Variants in PHOSPHO2 observed in about 807,000 individuals in gnomAD.
PHOSPHO2 encodes the protein phosphatase, orphan 2, also known as pyridoxal phosphate phosphatase PHOSPHO2.
In PHOSPHO2, 14 loss-of-function variants were observed where a neutral mutation model predicts 16.4. The observed-to-expected ratio is 0.85, with a 90% CI of 0.56 to 1.33. PHOSPHO2 has a LOEUF of 1.33. Among genes scored for constraint, PHOSPHO2 ranks in the 40% most tolerant of loss-of-function variants. The pLI is 0.00. For missense variants in PHOSPHO2, 246 were observed against 282.5 expected (o/e 0.87, Z 0.93); for synonymous variants, 85 against 90.5 (o/e 0.94, Z 0.34).
chr2:169,696,893 A>G (rs1411385855), intron 2 of PHOSPHO2, among the ~76,000 whole-genome samples: 15 of 152,226 alleles, frequency 9.9e-5, no homozygotes, highest in Non-Finnish European at 2.9e-5. Flanking sequence ...ACTTATTTTC[A>G]CATAACATTT....
intron 2 of PHOSPHO2, among the ~76,000 whole-genome samples, chr2:169,695,787 C>T (rs888592370): frequency 2.0e-5 from 3 of 152,114 alleles, no homozygotes; most frequent in Non-Finnish European, 2.9e-5. Flanking sequence ...TCAGCAATTT[C>T]GCCTGAGTTC....
intron 3 of PHOSPHO2, among the ~76,000 whole-genome samples, chr2:169,698,715 T>C (rs1687637041): frequency 6.6e-6 from 1 of 152,214 alleles, no homozygotes. Context: ...TTGAGATTTA[T>C]AATTAATCAC....
At chr2:169,696,302 A>G (rs1045502802) in intron 2 of PHOSPHO2, among the ~76,000 whole-genome samples, 1 of 152,246 alleles carries the variant, frequency 6.6e-6, no homozygotes, top group Non-Finnish European at 1.5e-5. Flanking sequence ...AATTATTCTG[A>G]GAAGAAAAAA....
At chr2:169,695,151 T>C in intron 1 of PHOSPHO2, 64 bp from the exon 2 acceptor site, 1 of 152,208 alleles carries the variant, frequency 6.6e-6, no homozygotes, top group African/African-American at 2.4e-5. Flanking sequence ...TCTCTCAAAA[T>C]GAAAGAACAA....
chr2:169,695,572 GCTT>G (rs1687492356), intron 2 of PHOSPHO2, among the ~76,000 whole-genome samples: 2 of 151,984 alleles, frequency 1.3e-5, no homozygotes, highest in African/African-American at 4.8e-5. Context: ...GGGAGGCGGA[GCTT>G]GCAGTGAGCC....
At position 169,701,698 on chromosome 2, in the gene PHOSPHO2, T is replaced by C. The variant is rs141347023; in HGVS notation, c.*1T>C. ...TTTACAATTTCTAATAAAGGATTAA[T>C]ATGTCAGCAATTGAAAAGTGTATCA... is the stretch of plus-strand genomic sequence containing the variant. On this transcript the variant is annotated 3_prime_UTR_variant, in exon 4 of 4. Coordinates refer to ENST00000359744, the MANE Select transcript of PHOSPHO2 (RefSeq NM_001008489.4). The C allele has an allele frequency of 2.7e-4, 412 of 1,514,914 alleles. 1 individual carries two copies. The highest frequency in any genetic ancestry group is 4.9e-5 in the Non-Finnish European group (55 of 1,128,948). The allele number at this position is 1,514,914 out of a possible 1,614,324, so 93.8% of individuals were successfully genotyped here.
At position 169,700,995 on chromosome 2, in the gene PHOSPHO2, CTT is replaced by C. The variant is rs761246013; in HGVS notation, c.26_27del (p.Phe9Ter). The C allele has an allele frequency of 1.3e-6, 2 of 1,595,430 alleles. No homozygotes were observed. The highest frequency in any genetic ancestry group is 2.7e-5 in the African/African-American group (2 of 74,188). ...CCATGAAAATTTTGCTAGTTTTTGACTTTGACAATACAATCATAGATGACAAT... is the reference window on the plus strand; with the variant it reads ...CCATGAAAATTTTGCTAGTTTTTGACTGACAATACAATCATAGATGACAAT... The part of the protein sequence containing the change: MKILLVFD[F>X]DNTIIDDNSD... On this transcript the variant is annotated frameshift_variant, in exon 4 of 4. Coordinates refer to ENST00000359744, the MANE Select transcript of PHOSPHO2 (RefSeq NM_001008489.4). LOFTEE classifies it high-confidence loss of function.
intron 3 of PHOSPHO2, among the ~76,000 whole-genome samples, chr2:169,700,298 T>A (rs1280785832): frequency 6.6e-6 from 1 of 152,196 alleles, no homozygotes; most frequent in African/African-American, 2.4e-5. Flanking sequence ...TGCCTAGATT[T>A]TCTTCTAGGT....
At position 169,701,363 on chromosome 2, in the gene PHOSPHO2, A is replaced by G. The variant is rs536107361; in HGVS notation, c.392A>G (p.Asn131Ser). ...VFTNPAAFNS[N>S]GHLTVENYHT... ...ACAAATCCAGCAGCTTTTAATAGCA[A>G]TGGTCATCTCACTGTTGAAAATTAT... Residue 131 changes from asparagine (N) to serine (S), a missense_variant, in exon 4 of 4, where the codon AAT becomes AGT. Asn to Ser is a conservative substitution (Grantham distance 46). Transcript: ENST00000359744. The G allele has an allele frequency of 3.8e-5, 61 of 1,613,662 alleles. No homozygotes were observed. In the South Asian group the frequency reaches 5.6e-4, roughly 15 times the overall value.
At chr2:169,697,850 A>C (rs1687603705) in intron 3 of PHOSPHO2, 1 of 152,220 alleles carries the variant, frequency 6.6e-6, no homozygotes, top group African/African-American at 2.4e-5. Context: ...ATTATTTATT[A>C]CATTGTTTCT....
chr2:169,701,476 G>T lies in PHOSPHO2; in HGVS notation c.505G>T (p.Val169Leu). Reference sequence around the variant, plus strand: ...TGTAGATAAACAGTTACAACAGGGAGTGAATTATACACAAATTGTTTATAT... The same window carrying T: ...TGTAGATAAACAGTTACAACAGGGATTGAATTATACACAAATTGTTTATAT... The part of the protein sequence containing the change: ...EFVDKQLQQG[V>L]NYTQIVYIGD... The change falls in exon 4 of 4, where the codon GTG (valine) becomes TTG (leucine). Residue 169 changes from valine to leucine, a missense_variant. Coordinates refer to ENST00000359744, the MANE Select transcript of PHOSPHO2 (RefSeq NM_001008489.4). 6.2e-7 allele frequency: 1 copy of T among 1,612,736 alleles called. No individual in the cohort carries two copies. Among genetic ancestry groups the T allele is most frequent in the Admixed American group, 1.7e-5 (1 of 59,872 alleles).
At chr2:169,700,715 CAAT>C (rs2105600959) in intron 3 of PHOSPHO2, among the ~76,000 whole-genome samples, 1 of 152,062 alleles carries the variant, frequency 6.6e-6, no homozygotes, top group East Asian at 1.9e-4. Flanking sequence ...TCCAGGAACA[CAAT>C]AATACTATGA....
rs1387974337 is a variant in PHOSPHO2 at position 169,701,187 on chromosome 2, G to A, written c.216G>A (p.Leu72=). 1.9e-6 allele frequency: 3 copies of A among 1,613,924 alleles called. No homozygotes were observed. The highest frequency in any genetic ancestry group is 1.3e-5 in the African/African-American group (1 of 74,922). ...EHEMKRAVTS[L]PFTPGMVELF... is the part of the protein sequence containing the mutation. ...AAATGAAAAGAGCAGTGACATCATT[G>A]CCTTTCACTCCAGGGATGGTGGAAC... The change falls in exon 4 of 4, where the codon TTG becomes TTA. Residue 72 remains leucine (L), a synonymous_variant. Transcript: ENST00000359744.
chr2:169,697,525 A>G lies in PHOSPHO2; in HGVS notation c.-33A>G, dbSNP rs1424076186. 1.3e-5 allele frequency: 2 copies of G among 152,162 alleles called. No homozygotes were observed. Among genetic ancestry groups the G allele is most frequent in the East Asian group, 1.9e-4 (1 of 5,196 alleles). The allele number at this position is 152,162 out of a possible 1,614,324, so 9.4% of individuals were successfully genotyped here. A position where few individuals can be genotyped will look rare whatever the true frequency, so the allele number is the denominator to read the frequency against. On this transcript the variant is annotated 5_prime_UTR_variant, in exon 3 of 4. The change abolishes the stop of an existing upstream ORF in the 5' untranslated region. Coordinates refer to ENST00000359744, the MANE Select transcript of PHOSPHO2 (RefSeq NM_001008489.4). Reference sequence around the variant, plus strand: ...GAAGTAAGATTGTCTTGGAAATACTAAGTTGGGTAAGTATTTTTTAAAGGT... The same window carrying G: ...GAAGTAAGATTGTCTTGGAAATACTGAGTTGGGTAAGTATTTTTTAAAGGT...
chr2:169,697,020 A>AAT (rs565367824), intron 2 of PHOSPHO2, among the ~76,000 whole-genome samples: 90 of 134,358 alleles, frequency 6.7e-4, no homozygotes, highest in Admixed American at 1.6e-3. Flanking sequence ...AAAAAAAAAA[A>AAT]TTTTTTTTTT....
Position 169,701,055 on chromosome 2 carries a change from C to G in PHOSPHO2, c.84C>G (p.Asn28Lys), listed in dbSNP as rs774546334. ...CTTGGATTGTACAATGTGCTCCCAA[C>G]AAAAAGCTTCCTATTGAACTACGTG... ...SDTWIVQCAP[N>K]KKLPIELRDS... is the part of the protein sequence containing the mutation. The change falls in exon 4 of 4, where the codon AAC becomes AAG. Residue 28 changes from asparagine to lysine, a missense_variant. By Grantham distance (94) the Asn-to-Lys change is moderately conservative. Coordinates refer to ENST00000359744, the MANE Select transcript of PHOSPHO2 (RefSeq NM_001008489.4). 6.2e-7 allele frequency: 1 copy of G among 1,613,776 alleles called. No individual in the cohort carries two copies. The highest frequency in any genetic ancestry group is 1.1e-5 in the South Asian group (1 of 91,070).
rs746399939 is a variant in PHOSPHO2, at chr2:169,701,316, T to C, written c.345T>C (p.His115=). The part of the protein sequence containing the change: ...IDWVLEAASF[H]DIFDKVFTNP... ...GGGTTTTAGAAGCTGCCAGTTTTCA[T>C]GACATATTTGATAAAGTGTTTACAA... Residue 115 remains histidine, a synonymous_variant, in exon 4 of 4, where the codon CAT becomes CAC. Transcript: ENST00000359744. 25 of 1,612,590 alleles carry C rather than the reference T, an allele frequency of 1.6e-5. No homozygotes were observed. The highest frequency in any genetic ancestry group is 2.0e-5 in the Non-Finnish European group (24 of 1,179,416).
At position 169,694,638 on chromosome 2, in the gene PHOSPHO2, G is replaced by A. The variant is rs1180416229; in HGVS notation, c.-231+16G>A. ...GCGGGACTGGGTCAGTGAGAAGCCCGTGGGCCCCCGCCCTGCCTGCTACTC... is the reference window on the plus strand; with the variant it reads ...GCGGGACTGGGTCAGTGAGAAGCCCATGGGCCCCCGCCCTGCCTGCTACTC... On this transcript the variant is annotated intron_variant, in intron 1 of 3. Coordinates refer to ENST00000359744, the MANE Select transcript of PHOSPHO2 (RefSeq NM_001008489.4). The A allele has an allele frequency of 4.2e-6, 2 of 481,772 alleles. No homozygotes were observed. Among genetic ancestry groups the A allele is most frequent in the East Asian group, 3.9e-5 (1 of 25,726 alleles). 29.8% of individuals were successfully genotyped at this position (481,772 alleles called of 1,614,324 possible).
Position 169,701,051 on chromosome 2 carries a change from C to G in PHOSPHO2, c.80C>G (p.Pro27Arg). The G allele has an allele frequency of 6.2e-7, 1 of 1,613,688 alleles. No homozygotes were observed. Among genetic ancestry groups the G allele is most frequent in the Non-Finnish European group, 8.5e-7 (1 of 1,179,948 alleles). ...GACACTTGGATTGTACAATGTGCTC[C>G]CAACAAAAAGCTTCCTATTGAACTA... ...NSDTWIVQCA[P>R]NKKLPIELRD... The change falls in exon 4 of 4, where the codon CCC (proline) becomes CGC (arginine). Residue 27 changes from proline to arginine, a missense_variant. By Grantham distance (103) the Pro-to-Arg change is moderately radical. Transcript: ENST00000359744.
Sources: gnomAD v4.1 joint callset for allele counts (sites outside exome capture counted in the v4.1 genomes callset) on GRCh38, gnomAD v4.1.1 for gene constraint, MANE v1.5 for transcripts, NCBI Gene and HGNC (gene_info 2026-07-23, HGNC 2026-07-21) for gene names.